The following KIF4A variants were observed in gnomAD, a reference collection of about 807,000 sequenced individuals.
KIF4A encodes the protein chromosome-associated kinesin KIF4A.
A neutral mutation model predicts 105.9 loss-of-function variants in KIF4A; 7 were observed. That is an observed-to-expected ratio of 0.07 (90% CI 0.04 to 0.12). The LOEUF is 0.12. Ranked by LOEUF, KIF4A falls within the 10% of genes least tolerant of loss-of-function variation. KIF4A has a pLI of 1.00. For synonymous variants in KIF4A, 281 were observed against 331.3 expected (o/e 0.85, Z 1.65); for missense variants, 558 against 929.2 (o/e 0.60, Z 5.19).
intron 10 of KIF4A, among the ~76,000 whole-genome samples, chrX:70,336,546 G>A (rs936173884): frequency 1.8e-5 from 2 of 111,124 alleles, no homozygotes; most frequent in South Asian, 3.8e-4. Context: ...TCAATTTTTG[G>A]CAGTCTGATA....
At chrX:70,317,432 G>A (rs2085873534) in intron 7 of KIF4A, among the ~76,000 whole-genome samples, 1 of 110,098 alleles carries the variant, frequency 9.1e-6, no homozygotes, top group South Asian at 3.9e-4. Flanking sequence ...TACCACTCAG[G>A]TTGAAAACAA....
intron 15 of KIF4A, among the ~76,000 whole-genome samples, chrX:70,358,699 A>G: frequency 8.9e-6 from 1 of 112,100 alleles, no homozygotes; most frequent in Middle Eastern, 4.6e-3. Flanking sequence ...CTTTCCTACA[A>G]TTTCTAGTGA....
chrX:70,306,843 T>C (rs2085829433), intron 7 of KIF4A, among the ~76,000 whole-genome samples: 4 of 100,508 alleles, frequency 4.0e-5, no homozygotes, highest in Non-Finnish European at 8.2e-5. Context: ...GCCCGGCCTC[T>C]TTTTTTTTTT....
At position 70,420,066 on chromosome X, in the gene KIF4A, T is replaced by C; in HGVS notation, c.3500T>C (p.Leu1167Pro). ...PVCATPNSKI[L>P]KEMCDVEQVL... Reference sequence around the variant, plus strand: ...ACCTGTCTCTGTCCCTCCTAGATCCTGAAAGAGATGTGCGATGTGGAGCAG... The same window carrying C: ...ACCTGTCTCTGTCCCTCCTAGATCCCGAAAGAGATGTGCGATGTGGAGCAG... Residue 1167 changes from leucine (L) to proline (P), a missense_variant, in exon 31 of 31, where the codon CTG becomes CCG. By Grantham distance (98) the Leu-to-Pro change is moderately conservative. Around this residue, in one of 2 missense-constraint regions of KIF4A, gnomAD observed 469 missense variants for 680.4 expected, o/e 0.69. Coordinates refer to ENST00000374403, the MANE Select transcript of KIF4A (RefSeq NM_012310.5). 1 of 1,209,986 alleles carries C rather than the reference T, an allele frequency of 8.3e-7. No homozygotes were observed. Among genetic ancestry groups the C allele is most frequent in the Non-Finnish European group, 1.1e-6 (1 of 894,467 alleles).
chrX:70,407,158 A>G (rs910236423), intron 28 of KIF4A, 83 bp downstream of exon 28: 133 of 1,028,767 alleles, frequency 1.3e-4, no homozygotes, highest in Non-Finnish European at 1.6e-4. Flanking sequence ...CCCAGGCTGG[A>G]GTACAGTGGT....
chrX:70,316,426 CAT>C (rs2085869457), intron 7 of KIF4A, among the ~76,000 whole-genome samples: 2 of 110,851 alleles, frequency 1.8e-5, no homozygotes, highest in Admixed American at 1.9e-4. Context: ...GAATATAAAA[CAT>C]ATTTAGGCCA....
intron 10 of KIF4A, among the ~76,000 whole-genome samples, chrX:70,335,199 T>TA (rs2085945968): frequency 8.9e-6 from 1 of 112,389 alleles, no homozygotes; most frequent in Non-Finnish European, 1.9e-5. Context: ...TGCAACAGAA[T>TA]ATCATTCAGC....
chrX:70,356,139 G>T (rs2086050161), intron 15 of KIF4A, among the ~76,000 whole-genome samples: 1 of 108,829 alleles, frequency 9.2e-6, no homozygotes, highest in Non-Finnish European at 1.9e-5. Context: ...AATTAGCCGG[G>T]CCTGGTGGTG....
chrX:70,344,601 T>A (rs2085984829), intron 13 of KIF4A, among the ~76,000 whole-genome samples: 1 of 110,782 alleles, frequency 9.0e-6, no homozygotes, highest in African/African-American at 3.3e-5. Flanking sequence ...TATATGCTTT[T>A]AAAAAAAACA....
At chrX:70,341,603 G>GT (rs2085972593) in intron 10 of KIF4A, among the ~76,000 whole-genome samples, 196 bp from the exon 11 acceptor site, 1 of 111,730 alleles carries the variant, frequency 9.0e-6, no homozygotes, top group Admixed American at 9.5e-5. Flanking sequence ...TCAGAGATGT[G>GT]TTTATTGTAC....
intron 24 of KIF4A, among the ~76,000 whole-genome samples, chrX:70,404,294 C>T (rs2086292402): frequency 9.0e-6 from 1 of 111,412 alleles, no homozygotes; most frequent in African/African-American, 3.3e-5. Flanking sequence ...AGCGTGGTGG[C>T]TCGTGCCTGT....
chrX:70,360,202 T>G (rs1012172511), intron 15 of KIF4A, among the ~76,000 whole-genome samples: 18 of 112,065 alleles, frequency 1.6e-4, no homozygotes, highest in African/African-American at 5.8e-4. Flanking sequence ...TTCTGTAATT[T>G]ATAAAATTAA....
rs769702945 is a variant in KIF4A at position 70,363,499 on chromosome X, G to GT, written c.1674+9698dup. Among the ~76,000 whole-genome samples the GT allele has an allele frequency of 9.0e-5, 10 of 111,116 alleles. No homozygotes were observed. The South Asian group carries it at 3.5e-3, about 39-fold the overall frequency. On this transcript the variant is annotated intron_variant, in intron 15 of 30. Coordinates refer to ENST00000374403, the MANE Select transcript of KIF4A (RefSeq NM_012310.5). ...TATGAGTGAGAATATGCAGTGTTTG[G>GT]TTTTTTGTCCTTGCAATAGTTTGCT...
At chrX:70,395,858 A>G (rs1489640877) in intron 21 of KIF4A, 32 bp downstream of exon 21, 1 of 1,205,770 alleles carries the variant, frequency 8.3e-7, no homozygotes, top group African/African-American at 1.7e-5. Context: ...TGTTGCCAAT[A>G]ATCAGACTCT....
Position 70,420,439 on chromosome X carries a change from G to A in KIF4A, c.*174G>A, listed in dbSNP as rs1407941101. 1.6e-6 allele frequency: 1 copy of A among 634,465 alleles called. No individual in the cohort carries two copies. The highest frequency in any genetic ancestry group is 2.3e-6 in the Non-Finnish European group (1 of 426,010). The allele number at this position is 634,465 out of a possible 1,213,427, so 52.3% of individuals were successfully genotyped here. On this transcript the variant is annotated 3_prime_UTR_variant, in exon 31 of 31. Transcript: ENST00000374403. ...TGTTGGATGTGGGCCTTAGCCTCCA[G>A]GTCCAGACTACTACTCTATGTTCTC...
intron 9 of KIF4A, among the ~76,000 whole-genome samples, chrX:70,330,663 A>T (rs1007937377): frequency 2.7e-5 from 3 of 111,705 alleles, no homozygotes; most frequent in Non-Finnish European, 5.6e-5. Flanking sequence ...AAGAGTTTTA[A>T]GTAGGAGGGT....
chrX:70,320,313 A>G (rs146736762), intron 7 of KIF4A, among the ~76,000 whole-genome samples: 1,210 of 111,983 alleles, frequency 0.011, 10 homozygotes, highest in Middle Eastern at 0.023. Flanking sequence ...AAGGCATTCT[A>G]TTCTAAATAC....
In KIF4A at chrX:70,298,750, A is replaced by G. The variant is rs928572652; in HGVS notation, c.427-363A>G. ...CTTCCTTTTCCATCCACCCCCATCT[A>G]TGTACCTGTTATTCACATTTTAACA... On this transcript the variant is annotated intron_variant, in intron 4 of 30. Transcript: ENST00000374403. Among the ~76,000 whole-genome samples, 3 of 112,331 alleles carry G rather than the reference A, an allele frequency of 2.7e-5. No homozygotes were observed. The East Asian group carries it at 8.3e-4, about 31-fold the overall frequency.
intron 22 of KIF4A, 40 bp downstream of exon 22, chrX:70,396,089 C>A: frequency 1.0e-6 from 1 of 974,726 alleles, no homozygotes; most frequent in Admixed American, 2.6e-5. Context: ...AAAATTTATG[C>A]CTGGAATCAA....
Sources: allele counts gnomAD v4.1 joint callset (sites outside exome capture counted in the v4.1 genomes callset), GRCh38; gene constraint gnomAD v4.1.1; regional missense constraint gnomAD v4.1.1; transcripts MANE v1.5; gene names NCBI Gene and HGNC (gene_info 2026-07-23, HGNC 2026-07-21).